Variants in C12orf42 observed in about 807,000 individuals in gnomAD.
C12orf42 encodes the protein chromosome 12 open reading frame 42.
C12orf42 carries 25 observed loss-of-function variants against 21.6 expected under a neutral mutation model. The ratio of observed to expected loss-of-function variants is 1.16; its 90% CI spans 0.84 to 1.62. The LOEUF is 1.62. Among genes scored for constraint, C12orf42 ranks in the 40% most tolerant of loss-of-function variants. The pLI is 0.00. For synonymous variants in C12orf42, 174 were observed against 175.0 expected (o/e 0.99, Z 0.05); for missense variants, 483 against 459.3 (o/e 1.05, Z -0.47).
the C12orf42 span, among the ~76,000 whole-genome samples, chr12:103,118,409 C>T: frequency 6.6e-6 from 1 of 152,180 alleles, no homozygotes; most frequent in Non-Finnish European, 1.5e-5. Flanking sequence ...TAACTAATGG[C>T]ATGAGCACCA....
the C12orf42 span, among the ~76,000 whole-genome samples, chr12:103,092,712 C>T: frequency 6.6e-6 from 1 of 152,184 alleles, no homozygotes; most frequent in African/African-American, 2.4e-5. Context: ...AATTTTCAAG[C>T]CATTGCTACA....
chr12:103,101,435 G>A, the C12orf42 span, among the ~76,000 whole-genome samples: 1 of 152,150 alleles, frequency 6.6e-6, no homozygotes, highest in African/African-American at 2.4e-5. Flanking sequence ...AATAATGGCA[G>A]TAGAGCTGAA....
At chr12:103,296,302 T>A (rs933160384) in intron 4 of C12orf42, among the ~76,000 whole-genome samples, 2 of 152,078 alleles carry the variant, frequency 1.3e-5, no homozygotes, top group Non-Finnish European at 2.9e-5. Context: ...TTTGCTATTG[T>A]GAATAGTGCC....
intron 4 of C12orf42, among the ~76,000 whole-genome samples, chr12:103,294,216 T>C (rs1352536264): frequency 6.6e-6 from 1 of 151,948 alleles, no homozygotes; most frequent in African/African-American, 2.4e-5. Context: ...CCTAGGATGG[T>C]AAGGACCCAA....
intron 5 of C12orf42, chr12:103,277,034 AAC>A (rs1282625194): frequency 4.7e-6 from 2 of 423,176 alleles, no homozygotes; most frequent in Non-Finnish European, 4.6e-6. Context: ...TTACAATAAA[AAC>A]ACAGGAAATT....
At chr12:103,554,591 G>C in the C12orf42 span, among the ~76,000 whole-genome samples, 1 of 151,864 alleles carries the variant, frequency 6.6e-6, no homozygotes, top group Non-Finnish European at 1.5e-5. Flanking sequence ...AAAAAAAAGA[G>C]GTTTAATCAG....
At chr12:103,274,599 A>G (rs1205133810) in intron 5 of C12orf42, among the ~76,000 whole-genome samples, 1 of 152,184 alleles carries the variant, frequency 6.6e-6, no homozygotes, top group Non-Finnish European at 1.5e-5. Context: ...ATCTGGGCAT[A>G]GAAAAAGGTA....
At chr12:103,188,838 G>A in the C12orf42 span, among the ~76,000 whole-genome samples, 2 of 152,292 alleles carry the variant, frequency 1.3e-5, no homozygotes, top group Non-Finnish European at 2.9e-5. Flanking sequence ...ACAAAACTGT[G>A]AGCCAAAATA....
In C12orf42 at chr12:103,302,181, C is replaced by T. The variant is rs182234129; in HGVS notation, c.1010G>A (p.Arg337His). 3 of 1,004,864 alleles carry T rather than the reference C, an allele frequency of 3.0e-6. No individual in the cohort carries two copies. Among genetic ancestry groups the T allele is most frequent in the East Asian group, 5.7e-5 (2 of 34,858 alleles). The allele number at this position is 1,004,864 out of a possible 1,614,324, so 62.2% of individuals were successfully genotyped here. The change falls in exon 6 of 6, where the codon CGC (arginine) becomes CAC (histidine). Residue 337 changes from arginine (R) to histidine (H), a missense_variant. Transcript: ENST00000548883. ...AACCGTATGGAAACGCCGGGTTGGG[C>T]GGGGGGGTGCTGAGGAGCAAACCTT... The part of the protein sequence containing the change: ...LIKVCSSAPP[R>H]PTRRFHTVCS...
chr12:103,437,118 A>G (rs1421644832), intron 2 of C12orf42, among the ~76,000 whole-genome samples: 7 of 151,748 alleles, frequency 4.6e-5, no homozygotes, highest in African/African-American at 1.7e-4. Flanking sequence ...AAACCGCTCA[A>G]CTACATGGAA....
the C12orf42 span, among the ~76,000 whole-genome samples, chr12:103,218,171 T>C: frequency 6.6e-6 from 1 of 151,328 alleles, no homozygotes; most frequent in Non-Finnish European, 1.5e-5. Flanking sequence ...TCCCAACTAC[T>C]CAAGAGGCTG....
intron 2 of C12orf42, among the ~76,000 whole-genome samples, chr12:103,440,589 T>A (rs1951166439): frequency 6.6e-6 from 1 of 152,040 alleles, no homozygotes; most frequent in Non-Finnish European, 1.5e-5. Context: ...GCAAATAGTC[T>A]TGTTGAGTGT....
At chr12:103,180,716 C>T in the C12orf42 span, among the ~76,000 whole-genome samples, 1 of 145,044 alleles carries the variant, frequency 6.9e-6, no homozygotes, top group Non-Finnish European at 1.5e-5. Context: ...ACAAACTGCA[C>T]CTCCTGGGTT....
the C12orf42 span, among the ~76,000 whole-genome samples, chr12:103,175,952 A>G: frequency 6.6e-6 from 1 of 152,174 alleles, no homozygotes; most frequent in African/African-American, 2.4e-5. Flanking sequence ...AGCACACTGG[A>G]TGCTGGACAC....
chr12:103,472,403 A>T (rs1953702756), intron 2 of C12orf42, among the ~76,000 whole-genome samples: 1 of 152,098 alleles, frequency 6.6e-6, no homozygotes, highest in Admixed American at 6.6e-5. Context: ...TCTATTCACA[A>T]ATTCTAATAT....
At chr12:103,168,302 C>T in the C12orf42 span, 2 of 281,308 alleles carry the variant, frequency 7.1e-6, no homozygotes, top group Non-Finnish European at 1.4e-5. Context: ...TCAGTTTTTC[C>T]CCTCAAATAA....
intron 3 of C12orf42, chr12:103,396,718 G>T (rs796280248): frequency 6.6e-6 from 1 of 152,222 alleles, no homozygotes; most frequent in Admixed American, 6.5e-5. Flanking sequence ...AAGGTGCATT[G>T]TTAGTAGACA....
At chr12:103,381,006 C>T (rs1363575338) in intron 3 of C12orf42, among the ~76,000 whole-genome samples, 1 of 152,176 alleles carries the variant, frequency 6.6e-6, no homozygotes, top group Non-Finnish European at 1.5e-5. Context: ...ACCTCTAGTA[C>T]AAATAATTTT....
chr12:103,077,383 A>C, the C12orf42 span, among the ~76,000 whole-genome samples: 1 of 152,238 alleles, frequency 6.6e-6, no homozygotes, highest in Non-Finnish European at 1.5e-5. Context: ...AAGCAAAAAC[A>C]CATTGAACTT....
Sources: gnomAD v4.1 joint callset for allele counts (sites outside exome capture counted in the v4.1 genomes callset) on GRCh38, gnomAD v4.1.1 for gene constraint, MANE v1.5 for transcripts, NCBI Gene and HGNC (gene_info 2026-07-23, HGNC 2026-07-21) for gene names.